The following HIBCH variants were observed in gnomAD, a reference collection of about 807,000 sequenced individuals.
HIBCH encodes 3-hydroxyisobutyryl-CoA hydrolase, mitochondrial.
HIBCH carries 50 observed loss-of-function variants against 58.2 expected under a neutral mutation model. The observed-to-expected ratio is 0.86, with a 90% CI of 0.68 to 1.09. HIBCH has a LOEUF of 1.09. HIBCH is among the 50% of genes least tolerant of loss of function. HIBCH has a pLI of 0.00. For missense variants in HIBCH, 450 were observed against 449.7 expected, an observed-to-expected ratio of 1.00 and a Z score of -0.01; for synonymous variants, 151 against 146.9, an observed-to-expected ratio of 1.03 and a Z score of -0.20.
At chr2:190,248,533 G>A (rs1322710843) in intron 9 of HIBCH, among the ~76,000 whole-genome samples, 1 of 152,104 alleles carries the variant, frequency 6.6e-6, no homozygotes, top group Non-Finnish European at 1.5e-5. Flanking sequence ...CTTCTGCCAG[G>A]CTACTGGAAG....
intron 6 of HIBCH, among the ~76,000 whole-genome samples, chr2:190,285,464 C>T (rs1687806410): frequency 6.6e-6 from 1 of 152,184 alleles, no homozygotes; most frequent in African/African-American, 2.4e-5. Context: ...CGCTCAGTTT[C>T]TGCCAAGCAG....
intron 6 of HIBCH, among the ~76,000 whole-genome samples, chr2:190,278,106 A>G (rs1034389693): frequency 6.6e-6 from 1 of 152,174 alleles, no homozygotes; most frequent in African/African-American, 2.4e-5. Flanking sequence ...TCCTAAAGTG[A>G]ACTCCCCTCC....
chr2:190,268,510 CA>C (rs1206045660), intron 6 of HIBCH, among the ~76,000 whole-genome samples: 2 of 152,126 alleles, frequency 1.3e-5, no homozygotes, highest in East Asian at 3.9e-4. Context: ...AAAATTTAGG[CA>C]ACCTAAGACT....
At chr2:190,248,572 T>G (rs983677018) in intron 9 of HIBCH, among the ~76,000 whole-genome samples, 3 of 152,142 alleles carry the variant, frequency 2.0e-5, no homozygotes, top group African/African-American at 4.8e-5. Context: ...ACAAGAAGAC[T>G]TGTGGAAGGG....
chr2:190,297,737 C>A (rs961811116), intron 2 of HIBCH, among the ~76,000 whole-genome samples: 1 of 152,206 alleles, frequency 6.6e-6, no homozygotes. Flanking sequence ...ACCCAACCAT[C>A]AGGACTCATG....
At chr2:190,299,737 A>C (rs2124831817) in intron 2 of HIBCH, among the ~76,000 whole-genome samples, 1 of 152,254 alleles carries the variant, frequency 6.6e-6, no homozygotes, top group Non-Finnish European at 1.5e-5. Flanking sequence ...AGTTAAATTC[A>C]TGTCGTGGGG....
intron 2 of HIBCH, among the ~76,000 whole-genome samples, chr2:190,310,286 C>T (rs189343902): frequency 1.1e-4 from 16 of 152,252 alleles, no homozygotes; most frequent in Admixed American, 3.9e-4. Context: ...CCTCAATTTG[C>T]GGACGGCCTA....
chr2:190,250,443 CA>C, intron 8 of HIBCH: 1 of 460,174 alleles, frequency 2.2e-6, no homozygotes, highest in Non-Finnish European at 4.5e-6. Flanking sequence ...ATCGCATCCC[CA>C]AAGTATATTC....
intron 6 of HIBCH, among the ~76,000 whole-genome samples, chr2:190,274,275 A>C (rs1354789536): frequency 6.6e-6 from 1 of 152,232 alleles, no homozygotes; most frequent in Non-Finnish European, 1.5e-5. Flanking sequence ...AAGTCTTTGC[A>C]ATATACTAAC....
intron 4 of HIBCH, among the ~76,000 whole-genome samples, chr2:190,291,193 T>C (rs991295103): frequency 5.9e-5 from 9 of 152,170 alleles, no homozygotes; most frequent in Admixed American, 1.3e-4. Context: ...TCTGCCACAT[T>C]CATTTCCCCC....
At chr2:190,274,046 C>T (rs1401624983) in intron 6 of HIBCH, among the ~76,000 whole-genome samples, 1 of 152,192 alleles carries the variant, frequency 6.6e-6, no homozygotes, top group Non-Finnish European at 1.5e-5. Context: ...AAGTGACTCT[C>T]CCACGCTGGC....
At chr2:190,308,763 C>A (rs759743647) in intron 2 of HIBCH, among the ~76,000 whole-genome samples, 1 of 152,158 alleles carries the variant, frequency 6.6e-6, no homozygotes, top group Non-Finnish European at 1.5e-5. Flanking sequence ...AGAAAATGGA[C>A]TAACACAGTT....
chr2:190,199,808 T>C, downstream of HIBCH: 2 of 1,582,226 alleles, frequency 1.3e-6, no homozygotes, highest in East Asian at 2.2e-5. Context: ...TTTCTAAAGA[T>C]GGCCTGGAAG....
intron 2 of HIBCH, among the ~76,000 whole-genome samples, chr2:190,305,607 AC>A: frequency 6.6e-6 from 1 of 152,116 alleles, no homozygotes; most frequent in South Asian, 2.1e-4. Flanking sequence ...GGGGACTAGG[AC>A]TCCAACATAT....
downstream of HIBCH, chr2:190,201,124 A>C (rs1690226763): frequency 6.0e-6 from 1 of 166,970 alleles, no homozygotes; most frequent in Non-Finnish European, 1.5e-5. Flanking sequence ...TGAGGAGAGT[A>C]CTCGTTTTCT....
chr2:190,198,489 T>C (rs1690081950), intron 1 of HIBCH, among the ~76,000 whole-genome samples: 1 of 151,862 alleles, frequency 6.6e-6, no homozygotes, highest in Non-Finnish European at 1.5e-5. Flanking sequence ...AAAACTTAGG[T>C]AGGCATGGTG....
chr2:190,304,253 A>T lies in HIBCH; in HGVS notation c.78+6501T>A, dbSNP rs1160432134. 2.9e-4 allele frequency among the ~76,000 whole-genome samples: 2 copies of T among 6,824 alleles called. No homozygotes were observed. The highest frequency in any genetic ancestry group is 1.3e-3 in the Admixed American group (1 of 764). The allele number at this position is 6,824 out of a possible 152,430, so 4.5% of individuals were successfully genotyped here. ...AATACCTGAAACTGTGTAATTTGTT[A>T]AAAAAAAAAAAAAAAAGGAATTTAT... On this transcript the variant is annotated intron_variant, in intron 2 of 13. Transcript: ENST00000359678. The surrounding 1 kb of genome is among the most constrained non-coding windows in gnomAD (Gnocchi z 4.1).
chr2:190,263,084 C>T (rs998254404), intron 6 of HIBCH, among the ~76,000 whole-genome samples: 1 of 149,904 alleles, frequency 6.7e-6, no homozygotes, highest in Non-Finnish European at 1.5e-5. Flanking sequence ...TGTAAGCAGC[C>T]CTCTTAACTT....
intron 4 of HIBCH, among the ~76,000 whole-genome samples, chr2:190,293,520 C>T (rs1415159974): frequency 6.6e-6 from 1 of 151,926 alleles, no homozygotes; most frequent in East Asian, 1.9e-4. Context: ...ACAACAGATT[C>T]AAAAACAATT....
Sources: allele counts gnomAD v4.1 joint callset (sites outside exome capture counted in the v4.1 genomes callset), GRCh38; gene constraint gnomAD v4.1.1; non-coding constraint Gnocchi (gnomAD v3.1); transcripts MANE v1.5; gene names NCBI Gene and HGNC (gene_info 2026-07-23, HGNC 2026-07-21).